SPTLC2: variants seen among roughly 807,000 people sequenced by gnomAD.
The protein encoded by SPTLC2 is serine palmitoyltransferase long chain base subunit 2.
Under a neutral mutation model 62.0 loss-of-function variants are expected in SPTLC2, and 21 were observed. That is an observed-to-expected ratio of 0.34 (90% CI 0.24 to 0.49). The LOEUF (loss-of-function observed/expected upper bound fraction) is 0.49, where lower values mean the gene tolerates loss of function less well. Among genes scored for constraint, SPTLC2 ranks in the 20% least tolerant of loss-of-function variants. The probability of loss-of-function intolerance (pLI) is 0.99; values close to 1 mark genes in which losing one functional copy is unlikely to be tolerated. For synonymous variants in SPTLC2, 261 were observed against 261.8 expected, an observed-to-expected ratio of 1.00 and a Z score of 0.03; for missense variants, 511 against 713.0, an observed-to-expected ratio of 0.72 and a Z score of 3.23.
At chr14:77,523,906 T>C (rs1276252574) in intron 9 of SPTLC2, among the ~76,000 whole-genome samples, 1 of 152,184 alleles carries the variant, frequency 6.6e-6, no homozygotes. Flanking sequence ...GTCCAACATA[T>C]AATTTTAAAA....
intron 2 of SPTLC2, among the ~76,000 whole-genome samples, chr14:77,588,870 C>A (rs2079797996): frequency 6.6e-6 from 1 of 151,090 alleles, no homozygotes; most frequent in African/African-American, 2.4e-5. Flanking sequence ...GTGGTACGTG[C>A]CTGTAGTTCC....
intron 8 of SPTLC2, chr14:77,554,850 G>T (rs1270332629): frequency 4.3e-6 from 1 of 230,300 alleles, no homozygotes; most frequent in Non-Finnish European, 8.7e-6. Flanking sequence ...ACAATGCTTT[G>T]TAGTACCCCA....
At chr14:77,536,151 C>T in intron 9 of SPTLC2, 1 of 334,136 alleles carries the variant, frequency 3.0e-6, no homozygotes, top group Non-Finnish European at 5.8e-6. Flanking sequence ...ACTACTGCTT[C>T]CAAACTTGAA....
chr14:77,528,056 T>C (rs181076601), intron 9 of SPTLC2, among the ~76,000 whole-genome samples: 7 of 152,338 alleles, frequency 4.6e-5, no homozygotes, highest in African/African-American at 1.7e-4. Flanking sequence ...CTAACTCATA[T>C]TATACTTCAT....
intron 9 of SPTLC2, among the ~76,000 whole-genome samples, chr14:77,543,286 C>T (rs1041541559): frequency 3.9e-5 from 6 of 152,138 alleles, no homozygotes; most frequent in African/African-American, 1.4e-4. Context: ...CTCTTGATCT[C>T]GAGTGATCCG....
intron 6 of SPTLC2, among the ~76,000 whole-genome samples, chr14:77,561,888 C>T (rs1336051328): frequency 6.6e-6 from 1 of 152,180 alleles, no homozygotes. Context: ...GAAAGTTACG[C>T]ATTTTTATTC....
chr14:77,525,174 T>TA (rs1156657616), intron 9 of SPTLC2, among the ~76,000 whole-genome samples: 1 of 152,140 alleles, frequency 6.6e-6, no homozygotes, highest in Non-Finnish European at 1.5e-5. Context: ...TGATTCTGGC[T>TA]ACTTGGGGGG....
rs1335274746 is a variant in SPTLC2 at position 77,570,506 on chromosome 14, T to G, written c.634A>C (p.Asn212His). Residue 212 changes from asparagine to histidine, a missense_variant and splice_region_variant, in exon 5 of 12, where the codon AAC (asparagine) becomes CAC (histidine). Transcript: ENST00000216484. ...GVCSTRQEIGNLDKHEELEEL... is the reference protein window; with the variant it reads ...GVCSTRQEIGHLDKHEELEEL... ...TCTAGTTCTTCATGCTTGTCCAGGT[T>G]TCCTGTGTGAAGAAGTTAATAAAGT... 6.2e-7 allele frequency: 1 copy of G among 1,613,594 alleles called. No homozygotes were observed. The highest frequency in any genetic ancestry group is 1.3e-5 in the African/African-American group (1 of 74,890).
chr14:77,521,661 C>T, intron 9 of SPTLC2, 80 bp from the exon 10 acceptor site: 3 of 1,265,208 alleles, frequency 2.4e-6, no homozygotes, highest in African/African-American at 2.9e-5. Context: ...TCCTCTATCT[C>T]CATTCTATCT....
chr14:77,595,801 C>T (rs962468384), intron 2 of SPTLC2, among the ~76,000 whole-genome samples: 3 of 152,182 alleles, frequency 2.0e-5, no homozygotes, highest in African/African-American at 7.2e-5. Context: ...CTCTTTTCCT[C>T]GGACGCACAG....
intron 5 of SPTLC2, among the ~76,000 whole-genome samples, chr14:77,565,637 G>A (rs144507319): frequency 7.2e-5 from 11 of 152,128 alleles, no homozygotes; most frequent in African/African-American, 2.7e-4. Flanking sequence ...CCCTTCAGAA[G>A]TATTAAGGTC....
chr14:77,599,354 G>A (rs1386669448), intron 1 of SPTLC2, among the ~76,000 whole-genome samples: 1 of 152,186 alleles, frequency 6.6e-6, no homozygotes, highest in Non-Finnish European at 1.5e-5. Flanking sequence ...CAGGCAATCT[G>A]ATCAGAGATA....
intron 11 of SPTLC2, among the ~76,000 whole-genome samples, chr14:77,515,884 G>T (rs994527109): frequency 3.9e-5 from 6 of 152,064 alleles, no homozygotes; most frequent in South Asian, 4.1e-4. Flanking sequence ...AATTGTAAAA[G>T]AAATTTTCTT....
chr14:77,521,183 C>G (rs563272270), intron 10 of SPTLC2, among the ~76,000 whole-genome samples: 4 of 152,322 alleles, frequency 2.6e-5, no homozygotes, highest in Admixed American at 2.6e-4. Context: ...GTAAGCTCCA[C>G]AAGGACAGAG....
intron 2 of SPTLC2, among the ~76,000 whole-genome samples, chr14:77,592,346 G>T (rs561299506): frequency 1.1e-4 from 16 of 151,958 alleles, no homozygotes; most frequent in Admixed American, 2.0e-4. Flanking sequence ...CGTTGGCCAG[G>T]CTGGTCTTGA....
Position 77,576,789 on chromosome 14 carries a change from C to T in SPTLC2, c.609G>A (p.Val203=), listed in dbSNP as rs375745552. The change falls in exon 4 of 12, where the codon GTG becomes GTA. Residue 203 remains valine, a synonymous_variant. Coordinates refer to ENST00000216484, the MANE Select transcript of SPTLC2 (RefSeq NM_004863.4). ...TACCAATTTCCTGCCGAGTACTGCA[C>T]ACTCCAGCTCCATACTCCTCAAGGA... is the stretch of plus-strand genomic sequence containing the variant. The part of the protein sequence containing the change: ...AKVLEEYGAG[V]CSTRQEIGNL... The T allele has an allele frequency of 5.0e-6, 8 of 1,614,078 alleles. No individual in the cohort carries two copies. Among genetic ancestry groups the T allele is most frequent in the African/African-American group, 1.3e-5 (1 of 74,940 alleles).
chr14:77,605,493 T>G (rs140451723), intron 1 of SPTLC2, among the ~76,000 whole-genome samples: 1 of 152,230 alleles, frequency 6.6e-6, no homozygotes, highest in African/African-American at 2.4e-5. Context: ...CTTCTATGCA[T>G]AGCAAAGAGG....
At chr14:77,558,664 A>G (rs1380731843) in intron 6 of SPTLC2, among the ~76,000 whole-genome samples, 2 of 146,714 alleles carry the variant, frequency 1.4e-5, no homozygotes, top group Non-Finnish European at 3.0e-5. Context: ...CTCTGTCGCC[A>G]AGGCAGGAGT....
At chr14:77,552,674 C>T (rs1331841759) in intron 8 of SPTLC2, among the ~76,000 whole-genome samples, 2 of 151,842 alleles carry the variant, frequency 1.3e-5, no homozygotes. Context: ...TGCGTGGAGG[C>T]GGGCACCTAT....
Sources: gnomAD v4.1 joint callset for allele counts (sites outside exome capture counted in the v4.1 genomes callset) on GRCh38, gnomAD v4.1.1 for gene constraint, MANE v1.5 for transcripts, NCBI Gene and HGNC (gene_info 2026-07-23, HGNC 2026-07-21) for gene names.